NKAIN3: variants seen among roughly 807,000 people sequenced by gnomAD.
The protein encoded by NKAIN3 is sodium/potassium-transporting ATPase subunit beta-1-interacting protein 3.
Under a neutral mutation model 30.2 loss-of-function variants are expected in NKAIN3, and 25 were observed. That is an observed-to-expected ratio of 0.83 (90% confidence interval 0.60 to 1.16). The LOEUF is 1.16. Ranked by LOEUF, NKAIN3 falls within the 50% of genes most tolerant of loss-of-function variation. NKAIN3 has a pLI of 0.00. For synonymous variants in NKAIN3, 91 were observed against 89.6 expected (o/e 1.02, Z -0.09); for missense variants, 225 against 254.1 (o/e 0.89, Z 0.78).
intron 1 of NKAIN3, among the ~76,000 whole-genome samples, chr8:62,403,023 A>G (rs559177230): frequency 1.2e-4 from 18 of 152,338 alleles, no homozygotes; most frequent in African/African-American, 4.3e-4. Context: ...AAATGCTGAT[A>G]GTGATATGGA....
chr8:62,305,627 T>G (rs1333596384), intron 1 of NKAIN3, among the ~76,000 whole-genome samples: 1 of 150,554 alleles, frequency 6.6e-6, no homozygotes, highest in Non-Finnish European at 1.5e-5. Flanking sequence ...CTTTAAAATA[T>G]CTGTCCAGGA....
chr8:62,572,676 T>A (rs147506032), intron 1 of NKAIN3, among the ~76,000 whole-genome samples: 2 of 152,246 alleles, frequency 1.3e-5, no homozygotes, highest in East Asian at 3.9e-4. Context: ...CACATTTCAT[T>A]TAGTGGGAGA....
In NKAIN3 at chr8:62,983,637, T is replaced by A. The variant is rs1824136858; in HGVS notation, c.*18230T>A. On this transcript the variant is annotated 3_prime_UTR_variant, in exon 7 of 7. Transcript: ENST00000623646. ...CCAACACCTGTTCGTGCTATGAGACTGAAGTCCTCCTAGACCGCCCCATTC... is the reference window on the plus strand; with the variant it reads ...CCAACACCTGTTCGTGCTATGAGACAGAAGTCCTCCTAGACCGCCCCATTC... 1 of 152,232 alleles carries A rather than the reference T, an allele frequency of 6.6e-6. No homozygotes were observed. Among genetic ancestry groups the A allele is most frequent in the Non-Finnish European group, 1.5e-5 (1 of 68,058 alleles). The allele number at this position is 152,232 out of a possible 1,614,324, so 9.4% of individuals were successfully genotyped here. A position where few individuals can be genotyped will look rare whatever the true frequency, so the allele number is the denominator to read the frequency against.
chr8:62,968,771 T>C lies in NKAIN3; in HGVS notation c.*3364T>C, dbSNP rs984863309. Among the ~76,000 whole-genome samples the C allele has an allele frequency of 6.6e-6, 1 of 152,192 alleles. No homozygotes were observed. Among genetic ancestry groups the C allele is most frequent in the Non-Finnish European group, 1.5e-5 (1 of 68,032 alleles). Reference sequence around the variant, plus strand: ...CTTGTGTGAATGATGCATCCTTTCTTAAGCGTCTTCTGCTGACCTCGTGCA... The same window carrying C: ...CTTGTGTGAATGATGCATCCTTTCTCAAGCGTCTTCTGCTGACCTCGTGCA... On this transcript the variant is annotated 3_prime_UTR_variant, in exon 7 of 7. Coordinates refer to ENST00000623646, the MANE Select transcript of NKAIN3 (RefSeq NM_001304533.3).
chr8:62,952,214 G>A (rs1049378609), intron 5 of NKAIN3, among the ~76,000 whole-genome samples: 4 of 151,810 alleles, frequency 2.6e-5, no homozygotes, highest in African/African-American at 9.7e-5. Context: ...TTATTTTGTG[G>A]AAATAATACA....
At chr8:62,779,137 A>G (rs1416382184) in intron 4 of NKAIN3, among the ~76,000 whole-genome samples, 1 of 151,956 alleles carries the variant, frequency 6.6e-6, no homozygotes. Flanking sequence ...GAGGGAAGGA[A>G]TCTCTTACAA....
At chr8:62,699,661 A>G (rs763903531) in intron 3 of NKAIN3, among the ~76,000 whole-genome samples, 5 of 152,176 alleles carry the variant, frequency 3.3e-5, no homozygotes, top group Non-Finnish European at 7.3e-5. Flanking sequence ...TGGTGTTGTT[A>G]TAGGAAGATA....
chr8:62,848,275 G>A (rs1307308528), intron 4 of NKAIN3, among the ~76,000 whole-genome samples: 1 of 152,056 alleles, frequency 6.6e-6, no homozygotes, highest in Non-Finnish European at 1.5e-5. Flanking sequence ...CAGTATGGCC[G>A]TTTTCACGAT....
At chr8:62,810,320 C>T (rs1818447497) in intron 4 of NKAIN3, among the ~76,000 whole-genome samples, 1 of 152,090 alleles carries the variant, frequency 6.6e-6, no homozygotes. Context: ...CAAAGCATGC[C>T]AGCAAGTCTA....
At chr8:62,479,296 C>A (rs1347916854) in intron 1 of NKAIN3, among the ~76,000 whole-genome samples, 1 of 152,136 alleles carries the variant, frequency 6.6e-6, no homozygotes, top group Non-Finnish European at 1.5e-5. Context: ...CTGACAGGTA[C>A]TCTACCTACA....
intron 4 of NKAIN3, among the ~76,000 whole-genome samples, chr8:62,900,519 G>C (rs1449450933): frequency 6.6e-6 from 1 of 152,164 alleles, no homozygotes; most frequent in Non-Finnish European, 1.5e-5. Context: ...CTACCTAAGT[G>C]GTTTGGGGAC....
chr8:62,621,900 T>C (rs1383762159), intron 3 of NKAIN3, among the ~76,000 whole-genome samples: 3 of 152,042 alleles, frequency 2.0e-5, no homozygotes, highest in Non-Finnish European at 4.4e-5. Context: ...AGATACAAAA[T>C]ATTGCCCTCC....
intron 1 of NKAIN3, among the ~76,000 whole-genome samples, chr8:62,512,289 T>C (rs1807838931): frequency 6.6e-6 from 1 of 152,162 alleles, no homozygotes. Flanking sequence ...AGGTGTTTAT[T>C]GCCCTAACCA....
chr8:62,295,779 A>G (rs982622487), intron 1 of NKAIN3, among the ~76,000 whole-genome samples: 5 of 152,060 alleles, frequency 3.3e-5, no homozygotes, highest in African/African-American at 1.2e-4. Context: ...TTTAATGTCA[A>G]CATTTAATTA....
intron 5 of NKAIN3, among the ~76,000 whole-genome samples, chr8:62,997,959 G>A (rs1804159516): frequency 6.6e-6 from 1 of 152,128 alleles, no homozygotes; most frequent in Admixed American, 6.5e-5. Flanking sequence ...GTTGACATGA[G>A]GTTTGAGTTG....
At chr8:62,563,403 A>G (rs151154416) in intron 1 of NKAIN3, among the ~76,000 whole-genome samples, 34 of 152,190 alleles carry the variant, frequency 2.2e-4, no homozygotes, top group African/African-American at 8.2e-4. Context: ...CTAAAGCATT[A>G]TTGTGTTAGT....
chr8:62,948,736 T>C (rs1823197276), intron 5 of NKAIN3, among the ~76,000 whole-genome samples: 1 of 152,224 alleles, frequency 6.6e-6, no homozygotes, highest in South Asian at 2.1e-4. Flanking sequence ...TTGCCATATT[T>C]ATAAAACCAG....
intron 1 of NKAIN3, among the ~76,000 whole-genome samples, chr8:62,432,460 C>T (rs1349581686): frequency 6.6e-6 from 1 of 152,078 alleles, no homozygotes; most frequent in Non-Finnish European, 1.5e-5. Flanking sequence ...AGGTTTGTGA[C>T]TCAGAAAACC....
Position 62,844,319 on chromosome 8 carries a change from A to G in NKAIN3, c.472-74134A>G, listed in dbSNP as rs191913818. Among the ~76,000 whole-genome samples, 202 of 152,310 alleles carry G rather than the reference A, an allele frequency of 1.3e-3. 1 individual carries two copies. The highest frequency in any genetic ancestry group is 3.6e-3 in the African/African-American group (148 of 41,586). ...TTACTGAAGGTTAAACCGGATAAAA[A>G]GTGAAAGTATCCACAGAATAAAATA... On this transcript the variant is annotated intron_variant, in intron 4 of 6. Coordinates refer to ENST00000623646, the MANE Select transcript of NKAIN3 (RefSeq NM_001304533.3).
Sources: allele counts gnomAD v4.1 joint callset (sites outside exome capture counted in the v4.1 genomes callset), GRCh38; gene constraint gnomAD v4.1.1; transcripts MANE v1.5; gene names NCBI Gene and HGNC (gene_info 2026-07-23, HGNC 2026-07-21).